PHYHIP: variants seen among roughly 807,000 people sequenced by gnomAD.
PHYHIP encodes phytanoyl-CoA 2-hydroxylase interacting protein.
In PHYHIP, 7 loss-of-function variants were observed where a neutral mutation model predicts 26.1. The observed-to-expected ratio is 0.27, with a 90% CI of 0.15 to 0.50. The LOEUF (loss-of-function observed/expected upper bound fraction) is 0.50. Ranked by LOEUF, PHYHIP falls within the 20% of genes least tolerant of loss-of-function variation. PHYHIP has a pLI of 0.98. For missense variants in PHYHIP, 232 were observed against 454.7 expected (o/e 0.51, Z 4.45); for synonymous variants, 206 against 183.4 (o/e 1.12, Z -1.00).
chr8:22,230,441 A>G (rs1375768080), intron 1 of PHYHIP, among the ~76,000 whole-genome samples: 1 of 152,062 alleles, frequency 6.6e-6, no homozygotes, highest in East Asian at 1.9e-4. Context: ...AGCTGAGATG[A>G]CATCCCCCCG....
At chr8:22,227,400 C>G (rs1829770393) in intron 2 of PHYHIP, among the ~76,000 whole-genome samples, 1 of 152,066 alleles carries the variant, frequency 6.6e-6, no homozygotes, top group African/African-American at 2.4e-5. Flanking sequence ...ATGCCTTATT[C>G]TTTGGGGGGG....
At chr8:22,229,225 A>T (rs908423162) in intron 1 of PHYHIP, among the ~76,000 whole-genome samples, 3 of 152,158 alleles carry the variant, frequency 2.0e-5, no homozygotes, top group African/African-American at 4.8e-5. Context: ...CCACGCAGAG[A>T]GCAAATGATT....
intron 1 of PHYHIP, chr8:22,228,930 T>G (rs1001131738): frequency 3.9e-5 from 6 of 152,722 alleles, no homozygotes; most frequent in African/African-American, 9.6e-5. Flanking sequence ...AAGTGCCACG[T>G]TGGTGCATGT....
chr8:22,228,438 G>C, intron 1 of PHYHIP, 52 bp from the exon 2 acceptor site: 2 of 1,061,942 alleles, frequency 1.9e-6, no homozygotes, highest in South Asian at 2.9e-5. Flanking sequence ...CGAGCTTTCT[G>C]GAATGTCCTC....
At chr8:22,223,360 C>CAAAAAAA (rs750178076) in intron 4 of PHYHIP, among the ~76,000 whole-genome samples, 9 of 62,072 alleles carry the variant, frequency 1.4e-4, no homozygotes, top group Admixed American at 1.4e-3. Flanking sequence ...GACGCCATCT[C>CAAAAAAA]AAAAAAAAAA....
rs57092360 is a variant in PHYHIP, at chr8:22,225,640, C to CAAAAAA, written c.340+1205_340+1210dup. On this transcript the variant is annotated intron_variant, in intron 3 of 4. Transcript: ENST00000454243. ...TGAAACCCCATCTCTACTAAAAATA[C>CAAAAAA]AAAAAAAAAAAAAAAATAGCCAGGC... Among the ~76,000 whole-genome samples, 97 of 127,964 alleles carry CAAAAAA rather than the reference C, an allele frequency of 7.6e-4. 1 individual carries two copies. The highest frequency in any genetic ancestry group is 2.8e-3 in the African/African-American group (91 of 32,498). 83.9% of individuals were successfully genotyped at this position (127,964 alleles called of 152,430 possible). A position where few individuals can be genotyped will look rare whatever the true frequency, so the allele number is the denominator to read the frequency against.
Position 22,221,019 on chromosome 8 carries a change from G to A in PHYHIP, c.*334C>T, listed in dbSNP as rs1051612795. 3 of 266,168 alleles carry A rather than the reference G, an allele frequency of 1.1e-5. No homozygotes were observed. Among genetic ancestry groups the A allele is most frequent in the Admixed American group, 9.5e-5 (2 of 21,064 alleles). 16.5% of individuals were successfully genotyped at this position (266,168 alleles called of 1,614,324 possible). A position where few individuals can be genotyped will look rare whatever the true frequency, so the allele number is the denominator to read the frequency against. On this transcript the variant is annotated 3_prime_UTR_variant, in exon 5 of 5. Transcript: ENST00000454243. This position sits in a 1 kb window ranked among gnomAD's most constrained non-coding sequence, Gnocchi z 7.9. ...GAGGGGCTTCCCTGGGAGAGCCCAG[G>A]AGGTGGGCAGGTCTTTGGGAGATAG...
chr8:22,228,176 G>A lies in PHYHIP; in HGVS notation c.165+17C>T, dbSNP rs746340796. On this transcript the variant is annotated intron_variant, in intron 2 of 4. Transcript: ENST00000454243. ...AACAGAAGCTGGGGAGGGGCTCCCA[G>A]GACACCTTCTACTCACCCGGTGCTT... The A allele has an allele frequency of 1.5e-5, 24 of 1,610,904 alleles. No individual in the cohort carries two copies. Among genetic ancestry groups the A allele is most frequent in the African/African-American group, 2.7e-5 (2 of 74,872 alleles).
intron 1 of PHYHIP, among the ~76,000 whole-genome samples, chr8:22,230,246 T>C (rs1037612550): frequency 6.6e-6 from 1 of 151,590 alleles, no homozygotes; most frequent in Admixed American, 6.6e-5. Flanking sequence ...GACACACTCC[T>C]ACCCAAGAGG....
intron 1 of PHYHIP, among the ~76,000 whole-genome samples, chr8:22,229,869 TA>T (rs928184038): frequency 6.6e-6 from 1 of 152,184 alleles, no homozygotes; most frequent in African/African-American, 2.4e-5. Context: ...ACCTCTGTAT[TA>T]ACCTGTGAGT....
rs1452459298 is a variant in PHYHIP at position 22,220,599 on chromosome 8, C to T, written c.*754G>A. On this transcript the variant is annotated 3_prime_UTR_variant, in exon 5 of 5. Coordinates refer to ENST00000454243, the MANE Select transcript of PHYHIP (RefSeq NM_014759.5). Reference sequence around the variant, plus strand: ...AACCCCAGTGGCTGCTGTCTCAGACCCCTGCACTCTAAGCAAGGAGAAGGT... The same window carrying T: ...AACCCCAGTGGCTGCTGTCTCAGACTCCTGCACTCTAAGCAAGGAGAAGGT... The T allele has an allele frequency of 4.6e-5, 7 of 152,340 alleles. No homozygotes were observed. Among genetic ancestry groups the T allele is most frequent in the African/African-American group, 1.4e-4 (6 of 41,440 alleles). The allele number at this position is 152,340 out of a possible 1,614,324, so 9.4% of individuals were successfully genotyped here. A position where few individuals can be genotyped will look rare whatever the true frequency, so the allele number is the denominator to read the frequency against.
At position 22,228,282 on chromosome 8, in the gene PHYHIP, T is replaced by C. The variant is rs1829792037; in HGVS notation, c.76A>G (p.Met26Val). ...ACCCTCTCCAGGTCACTGTCCTCCA[T>C]GGCCCAGGAGATGCGGAAGGAGTCG... is the stretch of plus-strand genomic sequence containing the variant. ...TCDSFRISWA[M>V]EDSDLERVTH... The change falls in exon 2 of 5, where the codon ATG becomes GTG. Residue 26 changes from methionine to valine, a missense_variant. Coordinates refer to ENST00000454243, the MANE Select transcript of PHYHIP (RefSeq NM_014759.5). The C allele has an allele frequency of 6.2e-7, 1 of 1,612,720 alleles. No homozygotes were observed.
rs1829600161 is a variant in PHYHIP, at chr8:22,220,703, G to C, written c.*650C>G. ...AGAGAAGAAAGAGAGTTCCTTTCTA[G>C]AGAGCAGGGGGAGTGTCCCGGTGGG... is the stretch of plus-strand genomic sequence containing the variant. On this transcript the variant is annotated 3_prime_UTR_variant, in exon 5 of 5. Coordinates refer to ENST00000454243, the MANE Select transcript of PHYHIP (RefSeq NM_014759.5). 6.6e-6 allele frequency: 1 copy of C among 152,374 alleles called. No homozygotes were observed. The highest frequency in any genetic ancestry group is 6.5e-5 in the Admixed American group (1 of 15,282). 9.4% of individuals were successfully genotyped at this position (152,374 alleles called of 1,614,324 possible).
chr8:22,223,011 CAA>C (rs1235732237), intron 4 of PHYHIP, among the ~76,000 whole-genome samples: 1 of 151,982 alleles, frequency 6.6e-6, no homozygotes, highest in Non-Finnish European at 1.5e-5. Context: ...ATACAAACCC[CAA>C]AGACTCCCAA....
chr8:22,225,762 G>A (rs1222847819), intron 3 of PHYHIP, among the ~76,000 whole-genome samples: 2 of 148,326 alleles, frequency 1.3e-5, no homozygotes, highest in African/African-American at 2.5e-5. Context: ...CCGAGATCAC[G>A]CCACTGCACT....
chr8:22,224,059 G>A, intron 4 of PHYHIP, 167 bp downstream of exon 4: 1 of 611,854 alleles, frequency 1.6e-6, no homozygotes, highest in East Asian at 2.7e-5. Flanking sequence ...AATCCCCAAA[G>A]TAGCAGTCTC....
At position 22,226,978 on chromosome 8, in the gene PHYHIP, C is replaced by T. The variant is rs35170161; in HGVS notation, c.213G>A (p.Thr71=). ...GGCTCAGGAACCAGTGGCCTCTCAC[C>T]GTCATGGGCAGCGGCACTGCCTTGG... ...LVAKAVPLPM[T]VRGHWFLSPR... The change falls in exon 3 of 5, where the codon ACG becomes ACA. Residue 71 remains threonine, a synonymous_variant. Coordinates refer to ENST00000454243, the MANE Select transcript of PHYHIP (RefSeq NM_014759.5). The T allele has an allele frequency of 4.2e-4, 674 of 1,613,882 alleles. No individual in the cohort carries two copies. The highest frequency in any genetic ancestry group is 5.4e-4 in the Non-Finnish European group (643 of 1,179,982).
rs368481188 is a variant in PHYHIP, at chr8:22,228,258, C to T, written c.100G>A (p.Val34Ile). Residue 34 changes from valine (V) to isoleucine (I), a missense_variant, in exon 2 of 5, where the codon GTC (valine) becomes ATC (isoleucine). Physicochemically the swap from Val to Ile is conservative, Grantham distance 29. Coordinates refer to ENST00000454243, the MANE Select transcript of PHYHIP (RefSeq NM_014759.5). ...WAMEDSDLER[V>I]THYFIDLNKK... is the part of the protein sequence containing the mutation. ...TTAAGGTCAATGAAGTAATGGGTGACCCTCTCCAGGTCACTGTCCTCCATG... is the reference window on the plus strand; with the variant it reads ...TTAAGGTCAATGAAGTAATGGGTGATCCTCTCCAGGTCACTGTCCTCCATG... 2.5e-6 allele frequency: 4 copies of T among 1,613,294 alleles called. No individual in the cohort carries two copies. The highest frequency in any genetic ancestry group is 3.4e-6 in the Non-Finnish European group (4 of 1,179,680).
intron 1 of PHYHIP, among the ~76,000 whole-genome samples, chr8:22,230,341 C>T (rs963723293): frequency 6.6e-6 from 1 of 152,166 alleles, no homozygotes; most frequent in African/African-American, 2.4e-5. Context: ...TCCTTGGAGT[C>T]CTCCTAGAAA....
Sources: gnomAD v4.1 joint callset for allele counts (sites outside exome capture counted in the v4.1 genomes callset) on GRCh38, gnomAD v4.1.1 for gene constraint, Gnocchi (gnomAD v3.1) non-coding constraint, MANE v1.5 for transcripts, NCBI Gene and HGNC (gene_info 2026-07-23, HGNC 2026-07-21) for gene names.